DGKB: variants seen among roughly 807,000 people sequenced by gnomAD.
DGKB encodes the protein diacylglycerol kinase beta.
DGKB carries 67 observed loss-of-function variants against 114.3 expected under a neutral mutation model. The ratio of observed to expected loss-of-function variants is 0.59; its 90% CI spans 0.48 to 0.72. The LOEUF is 0.72. Among genes scored for constraint, DGKB ranks in the 30% least tolerant of loss-of-function variants. The pLI, the probability that DGKB is intolerant of heterozygous loss-of-function variation, is 0.00. For missense variants in DGKB, 907 were observed against 975.2 expected, an observed-to-expected ratio of 0.93 and a Z score of 0.93; for synonymous variants, 398 against 323.1, an observed-to-expected ratio of 1.23 and a Z score of -2.49.
intron 6 of DGKB, among the ~76,000 whole-genome samples, chr7:14,705,596 A>C (rs570648118): frequency 1.3e-5 from 2 of 150,344 alleles, no homozygotes; most frequent in African/African-American, 4.9e-5. Flanking sequence ...AGGGAAGCCC[A>C]TCAGACTAAC....
At chr7:14,626,867 C>CA (rs1808692048) in intron 14 of DGKB, among the ~76,000 whole-genome samples, 1 of 152,034 alleles carries the variant, frequency 6.6e-6, no homozygotes, top group South Asian at 2.1e-4. Context: ...TTAAAAAAGG[C>CA]AAAAACAACT....
chr7:14,162,498 T>TTTAA (rs1784053693), intron 25 of DGKB, among the ~76,000 whole-genome samples: 1 of 152,210 alleles, frequency 6.6e-6, no homozygotes, highest in Non-Finnish European at 1.5e-5. Flanking sequence ...ATATTTCTCA[T>TTTAA]TTAATTTTTA....
At chr7:14,249,023 A>G (rs1401055101) in intron 23 of DGKB, among the ~76,000 whole-genome samples, 1 of 152,026 alleles carries the variant, frequency 6.6e-6, no homozygotes, top group African/African-American at 2.4e-5. Context: ...TTCCTTCTAT[A>G]CCTAATTTGG....
At chr7:14,878,755 C>CAAAAAA (rs5882472) in intron 1 of DGKB, among the ~76,000 whole-genome samples, 1 of 113,274 alleles carries the variant, frequency 8.8e-6, no homozygotes, top group African/African-American at 3.6e-5. Context: ...TCTCAAAAAA[C>CAAAAAA]AAAAAAAAAA....
At chr7:14,354,690 T>C (rs1814125089) in intron 21 of DGKB, among the ~76,000 whole-genome samples, 1 of 152,192 alleles carries the variant, frequency 6.6e-6, no homozygotes. Context: ...AAAGGTTCTT[T>C]TGCTGAAATT....
chr7:14,483,601 C>T (rs1056556124), intron 20 of DGKB, among the ~76,000 whole-genome samples: 15 of 152,064 alleles, frequency 9.9e-5, no homozygotes, highest in Admixed American at 3.9e-4. Flanking sequence ...CATATCAGGT[C>T]CTAATCTCTA....
intron 21 of DGKB, among the ~76,000 whole-genome samples, chr7:14,392,945 G>A (rs901788732): frequency 1.9e-4 from 28 of 151,216 alleles, no homozygotes; most frequent in African/African-American, 6.8e-4. Flanking sequence ...TCAGGGAAGG[G>A]CTCAGCCAAT....
intron 20 of DGKB, among the ~76,000 whole-genome samples, chr7:14,496,323 T>A (rs1785302940): frequency 6.6e-6 from 1 of 151,686 alleles, no homozygotes. Flanking sequence ...AGTGGCATAT[T>A]AAAAATATAA....
chr7:14,933,878 T>A (rs1475910003), intron 1 of DGKB, among the ~76,000 whole-genome samples: 1 of 152,034 alleles, frequency 6.6e-6, no homozygotes, highest in African/African-American at 2.4e-5. Context: ...TTACAAAAAA[T>A]TGCTTTTTTT....
chr7:14,763,542 T>A (rs1044868281), intron 2 of DGKB, among the ~76,000 whole-genome samples: 1 of 152,108 alleles, frequency 6.6e-6, no homozygotes, highest in African/African-American at 2.4e-5. Flanking sequence ...TTCAAGCTAT[T>A]GTATATGACC....
intron 2 of DGKB, among the ~76,000 whole-genome samples, chr7:14,795,291 C>T (rs1232897983): frequency 6.6e-6 from 1 of 152,148 alleles, no homozygotes; most frequent in African/African-American, 2.4e-5. Flanking sequence ...AATGTTGCAG[C>T]TTGTGGAGTT....
chr7:14,364,641 G>C (rs1303983689), intron 21 of DGKB, among the ~76,000 whole-genome samples: 1 of 151,816 alleles, frequency 6.6e-6, no homozygotes, highest in African/African-American at 2.4e-5. Flanking sequence ...TTCCACTTTA[G>C]ATTTAACAAT....
intron 20 of DGKB, among the ~76,000 whole-genome samples, chr7:14,554,174 C>G (rs17168266): frequency 0.11 from 16,201 of 151,974 alleles, 1,154 homozygotes; most frequent in East Asian, 0.33. Flanking sequence ...ACCCGGCCTT[C>G]CTTTACATGT....
intron 1 of DGKB, among the ~76,000 whole-genome samples, chr7:14,852,487 C>CAAAAAAAAAAAAAACAAACAAA: frequency 3.1e-5 from 2 of 63,636 alleles, no homozygotes; most frequent in South Asian, 1.2e-3. Flanking sequence ...TAGTGAAAGT[C>CAAAAAAAAAAAAAACAAACAAA]AAAAAAAAAA....
At chr7:14,670,993 C>G (rs934997256) in intron 13 of DGKB, among the ~76,000 whole-genome samples, 1 of 152,102 alleles carries the variant, frequency 6.6e-6, no homozygotes, top group Admixed American at 6.6e-5. Context: ...ATCAAAAGAG[C>G]TATAATTATT....
chr7:14,480,971 A>C (rs1459743826), intron 20 of DGKB, among the ~76,000 whole-genome samples: 1 of 152,014 alleles, frequency 6.6e-6, no homozygotes. Flanking sequence ...AAAGACTTAC[A>C]TTGCTTTTTA....
chr7:14,809,224 T>C (rs981782419), intron 2 of DGKB, among the ~76,000 whole-genome samples: 1 of 152,160 alleles, frequency 6.6e-6, no homozygotes, highest in African/African-American at 2.4e-5. Flanking sequence ...CACTTAATAG[T>C]ATTTTATATG....
At chr7:14,260,968 C>G (rs941886543) in intron 23 of DGKB, among the ~76,000 whole-genome samples, 5 of 152,062 alleles carry the variant, frequency 3.3e-5, no homozygotes, top group African/African-American at 1.2e-4. Context: ...AACCAAAACA[C>G]GCCTGAGATT....
At chr7:14,388,997 C>T (rs572265534) in intron 21 of DGKB, among the ~76,000 whole-genome samples, 2 of 152,330 alleles carry the variant, frequency 1.3e-5, no homozygotes, top group South Asian at 4.1e-4. Context: ...AGTCACTGCC[C>T]TTTCATGATA....
Sources: allele counts gnomAD v4.1 joint callset (sites outside exome capture counted in the v4.1 genomes callset), GRCh38; gene constraint gnomAD v4.1.1; transcripts MANE v1.5; gene names NCBI Gene and HGNC (gene_info 2026-07-23, HGNC 2026-07-21).